The following STAG1 variants were observed in gnomAD, a reference collection of about 807,000 sequenced individuals.
STAG1 encodes the protein STAG1 cohesin complex component.
Under a neutral mutation model 170.9 loss-of-function variants are expected in STAG1, and 26 were observed. The ratio of observed to expected loss-of-function variants is 0.15; its 90% CI spans 0.11 to 0.21. STAG1 has a LOEUF of 0.21. Among genes scored for constraint, STAG1 ranks in the 10% least tolerant of loss-of-function variants. The pLI is 1.00. For missense variants in STAG1, 964 were observed against 1,509.5 expected (o/e 0.64, Z 5.99); for synonymous variants, 514 against 497.7 (o/e 1.03, Z -0.44).
chr3:136,638,444 T>C (rs565829668), intron 1 of STAG1, among the ~76,000 whole-genome samples: 90 of 152,204 alleles, frequency 5.9e-4, no homozygotes, highest in African/African-American at 2.1e-3. Context: ...CTCACTTCTA[T>C]ATTCTTAATG....
chr3:136,424,865 G>A (rs1242111702), intron 16 of STAG1, among the ~76,000 whole-genome samples: 2 of 151,812 alleles, frequency 1.3e-5, no homozygotes, highest in African/African-American at 4.8e-5. Flanking sequence ...TTTTTTGATG[G>A]AGTCTCACTC....
chr3:136,428,376 T>C (rs1428519105), intron 16 of STAG1, among the ~76,000 whole-genome samples: 1 of 152,148 alleles, frequency 6.6e-6, no homozygotes, highest in African/African-American at 2.4e-5. Flanking sequence ...AGCCAGGAAG[T>C]ACCTTGCCAG....
chr3:136,622,034 A>G lies in STAG1; in HGVS notation c.132+1112T>C, dbSNP rs1251152331. ...AAAAGAGGGCTGGGTGCGGTGCCTC[A>G]GGCCTGTAATCCCAGCACTTTGGGA... On this transcript the variant is annotated intron_variant, in intron 3 of 33. Transcript: ENST00000383202. 3.4e-5 allele frequency among the ~76,000 whole-genome samples: 5 copies of G among 147,442 alleles called. No homozygotes were observed. In the Admixed American group the frequency reaches 3.4e-4, roughly 10 times the overall value.
At chr3:136,518,573 G>C (rs754634785) in intron 7 of STAG1, among the ~76,000 whole-genome samples, 15 of 152,126 alleles carry the variant, frequency 9.9e-5, no homozygotes, top group Non-Finnish European at 1.3e-4. Context: ...TCTGTGCTTT[G>C]TTGAAGGGTA....
intron 23 of STAG1, among the ~76,000 whole-genome samples, chr3:136,373,328 T>A (rs1184383546): frequency 1.3e-5 from 2 of 152,102 alleles, no homozygotes. Flanking sequence ...TTTTGAAGGG[T>A]TTTTTGTGTC....
At chr3:136,488,466 A>G (rs528729494) in intron 9 of STAG1, among the ~76,000 whole-genome samples, 1 of 152,350 alleles carries the variant, frequency 6.6e-6, no homozygotes, top group Admixed American at 6.5e-5. Flanking sequence ...GTAATTTGTT[A>G]CATGGCAAAA....
intron 6 of STAG1, among the ~76,000 whole-genome samples, chr3:136,532,842 C>A (rs1416437780): frequency 1.3e-5 from 2 of 152,124 alleles, no homozygotes; most frequent in African/African-American, 4.8e-5. Context: ...AAACCTTTTC[C>A]TTCAAGAACT....
intron 1 of STAG1, among the ~76,000 whole-genome samples, chr3:136,686,479 T>C (rs1038412709): frequency 6.6e-6 from 1 of 152,198 alleles, no homozygotes; most frequent in African/African-American, 2.4e-5. Flanking sequence ...CAGAATTGAA[T>C]TCCATCTTAT....
intron 22 of STAG1, among the ~76,000 whole-genome samples, chr3:136,382,064 TG>T (rs1937998716): frequency 6.6e-6 from 1 of 152,198 alleles, no homozygotes; most frequent in Admixed American, 6.5e-5. Context: ...ACCACAATCC[TG>T]GGGGCAACTT....
intron 6 of STAG1, among the ~76,000 whole-genome samples, chr3:136,533,738 G>A (rs1184050015): frequency 6.6e-6 from 1 of 152,118 alleles, no homozygotes; most frequent in East Asian, 1.9e-4. Flanking sequence ...TTCCGACACT[G>A]GGGATTACAT....
At chr3:136,527,925 C>T (rs1438340029) in intron 6 of STAG1, among the ~76,000 whole-genome samples, 1 of 152,104 alleles carries the variant, frequency 6.6e-6, no homozygotes, top group African/African-American at 2.4e-5. Flanking sequence ...CAAATGTTGC[C>T]ACCTGATTGT....
chr3:136,694,792 C>T (rs1942832900), intron 1 of STAG1, among the ~76,000 whole-genome samples: 1 of 151,738 alleles, frequency 6.6e-6, no homozygotes, highest in Non-Finnish European at 1.5e-5. Context: ...TGTTAAACGG[C>T]CTAATAATAA....
intron 1 of STAG1, among the ~76,000 whole-genome samples, chr3:136,695,634 GA>G (rs35284821): frequency 5.6e-4 from 80 of 143,280 alleles, no homozygotes; most frequent in Admixed American, 9.7e-4. Flanking sequence ...GTACTCACTA[GA>G]AAAAAAAAAA....
intron 3 of STAG1, among the ~76,000 whole-genome samples, chr3:136,614,265 T>A (rs1484092676): frequency 6.6e-6 from 1 of 152,174 alleles, no homozygotes; most frequent in Non-Finnish European, 1.5e-5. Context: ...TTAAGATGTA[T>A]TTTCAACATC....
chr3:136,464,225 AC>A (rs1283189666), intron 13 of STAG1, among the ~76,000 whole-genome samples: 1 of 152,016 alleles, frequency 6.6e-6, no homozygotes, highest in Non-Finnish European at 1.5e-5. Flanking sequence ...GGAGTTCGAC[AC>A]CGGCCTGACC....
At chr3:136,500,330 T>C (rs767643988) in intron 8 of STAG1, 34 bp from the exon 9 acceptor site, 1 of 1,411,212 alleles carries the variant, frequency 7.1e-7, no homozygotes. Context: ...GTTGAAATCC[T>C]GATCATTTTA....
chr3:136,690,056 C>CAAAAAAAAAAAAAAAAAAAAAAAG (rs1942670660), intron 1 of STAG1, among the ~76,000 whole-genome samples: 2 of 56,406 alleles, frequency 3.5e-5, no homozygotes, highest in Non-Finnish European at 6.4e-5. Flanking sequence ...AAAAGCAAAC[C>CAAAAAAAAAAAAAAAAAAAAAAAG]AAAAAAAAAA....
chr3:136,529,255 A>T (rs1197871251), intron 6 of STAG1, among the ~76,000 whole-genome samples: 1 of 152,300 alleles, frequency 6.6e-6, no homozygotes, highest in South Asian at 2.1e-4. Flanking sequence ...TAATAGATGG[A>T]AACTTCCCAA....
At chr3:136,527,225 T>A (rs1188934015) in intron 6 of STAG1, among the ~76,000 whole-genome samples, 1 of 152,226 alleles carries the variant, frequency 6.6e-6, no homozygotes, top group Non-Finnish European at 1.5e-5. Flanking sequence ...CACTTTCAGG[T>A]ACACCAATCA....
Sources: allele counts gnomAD v4.1 joint callset (sites outside exome capture counted in the v4.1 genomes callset), GRCh38; gene constraint gnomAD v4.1.1; transcripts MANE v1.5; gene names NCBI Gene and HGNC (gene_info 2026-07-23, HGNC 2026-07-21).